The following ASAP1 variants were observed in gnomAD, a reference collection of about 807,000 sequenced individuals.
The protein encoded by ASAP1 is ArfGAP with SH3 domain, ankyrin repeat and PH domain 1.
ASAP1 carries 43 observed loss-of-function variants against 145.2 expected under a neutral mutation model. The ratio of observed to expected loss-of-function variants is 0.30; its 90% CI spans 0.23 to 0.38. The LOEUF (loss-of-function observed/expected upper bound fraction) is 0.38. ASAP1 is among the 10% of genes least tolerant of loss of function. The pLI, the probability that ASAP1 is intolerant of heterozygous loss-of-function variation, is 1.00. For missense variants in ASAP1, 1,018 were observed against 1,355.3 expected (o/e 0.75, Z 3.91); for synonymous variants, 546 against 515.5 (o/e 1.06, Z -0.80).
rs192016566 is a variant in ASAP1, at chr8:130,179,521, T to G, written c.661-172A>C. Among the ~76,000 whole-genome samples, 8 of 152,286 alleles carry G rather than the reference T, an allele frequency of 5.3e-5. No homozygotes were observed. The East Asian group carries it at 1.5e-3, about 29-fold the overall frequency. On this transcript the variant is annotated intron_variant, in intron 8 of 29. Transcript: ENST00000518721. ...CAGTCACAAAGTGTTCAAAACAAAT[T>G]GACTAGAGTGTTAGCATTTTATAAA...
chr8:130,242,907 G>A (rs1194520813), intron 3 of ASAP1, among the ~76,000 whole-genome samples: 2 of 152,160 alleles, frequency 1.3e-5, no homozygotes, highest in African/African-American at 4.8e-5. Context: ...CAGGCCAACT[G>A]TGGGACTTGC....
At chr8:130,201,139 A>T (rs1027584431) in intron 5 of ASAP1, among the ~76,000 whole-genome samples, 1 of 152,238 alleles carries the variant, frequency 6.6e-6, no homozygotes, top group African/African-American at 2.4e-5. Flanking sequence ...TGCAAGATCA[A>T]GTGTGAGAAC....
chr8:130,111,136 G>T (rs2097546061), intron 24 of ASAP1, among the ~76,000 whole-genome samples: 1 of 144,958 alleles, frequency 6.9e-6, no homozygotes, highest in Non-Finnish European at 1.5e-5. Flanking sequence ...ACCTTGAGGG[G>T]TCAAGGTGGG....
At chr8:130,140,864 C>G (rs981687657) in intron 13 of ASAP1, among the ~76,000 whole-genome samples, 3 of 152,172 alleles carry the variant, frequency 2.0e-5, no homozygotes, top group African/African-American at 7.2e-5. Context: ...CAGGGCTGAG[C>G]CCACGAATAC....
intron 18 of ASAP1, among the ~76,000 whole-genome samples, chr8:130,122,420 C>G (rs1407691504): frequency 6.6e-6 from 1 of 152,120 alleles, no homozygotes; most frequent in East Asian, 1.9e-4. Flanking sequence ...GGTCACTGGC[C>G]AAACAAGGAA....
chr8:130,093,320 A>G (rs2097509615), intron 24 of ASAP1, among the ~76,000 whole-genome samples: 1 of 152,070 alleles, frequency 6.6e-6, no homozygotes, highest in Non-Finnish European at 1.5e-5. Context: ...TGCTTTATTT[A>G]AGGTATATGG....
At chr8:130,252,702 A>G (rs1331456955) in intron 3 of ASAP1, among the ~76,000 whole-genome samples, 1 of 152,154 alleles carries the variant, frequency 6.6e-6, no homozygotes, top group East Asian at 1.9e-4. Flanking sequence ...GAGTTAGCAC[A>G]CCCACCCACA....
intron 15 of ASAP1, among the ~76,000 whole-genome samples, chr8:130,129,574 G>T (rs1586387800): frequency 6.6e-6 from 1 of 152,040 alleles, no homozygotes; most frequent in East Asian, 1.9e-4. Context: ...ATTCTCAACA[G>T]ACAATACAGA....
intron 3 of ASAP1, among the ~76,000 whole-genome samples, chr8:130,352,362 G>A (rs541143648): frequency 5.3e-5 from 8 of 152,144 alleles, no homozygotes; most frequent in African/African-American, 1.4e-4. Flanking sequence ...CTTGAGCAAG[G>A]GGAGCTGACG....
At chr8:130,418,089 G>A (rs756145740) in intron 1 of ASAP1, among the ~76,000 whole-genome samples, 1 of 152,228 alleles carries the variant, frequency 6.6e-6, no homozygotes, top group Non-Finnish European at 1.5e-5. Flanking sequence ...GAAGAGAGAG[G>A]AGAGGAAAGG....
At chr8:130,317,640 A>C (rs1823745986) in intron 3 of ASAP1, among the ~76,000 whole-genome samples, 1 of 152,212 alleles carries the variant, frequency 6.6e-6, no homozygotes, top group South Asian at 2.1e-4. Context: ...CACCTTCCAC[A>C]CAGTTTAGTG....
At chr8:130,313,582 G>C (rs114927099) in intron 3 of ASAP1, among the ~76,000 whole-genome samples, 3,979 of 152,282 alleles carry the variant, frequency 0.026, 63 homozygotes, top group Middle Eastern at 0.044. Context: ...GCTGCAGTTT[G>C]AAAATGAGAA....
At chr8:130,406,171 G>A (rs574848587) in intron 1 of ASAP1, among the ~76,000 whole-genome samples, 3 of 152,318 alleles carry the variant, frequency 2.0e-5, no homozygotes, top group African/African-American at 7.2e-5. Context: ...GAACTACCCT[G>A]TGCCAGGGAC....
At chr8:130,095,385 C>A (rs1240045425) in intron 24 of ASAP1, among the ~76,000 whole-genome samples, 2 of 150,746 alleles carry the variant, frequency 1.3e-5, no homozygotes, top group South Asian at 2.1e-4. Flanking sequence ...ACCGTGACCT[C>A]CCCCTCCTGG....
chr8:130,133,925 A>G (rs1353305565), intron 15 of ASAP1, among the ~76,000 whole-genome samples: 2 of 152,168 alleles, frequency 1.3e-5, no homozygotes, highest in African/African-American at 2.4e-5. Flanking sequence ...AGGGCAAGGG[A>G]TGTGATTAAA....
At chr8:130,195,295 C>A (rs6470806) in intron 5 of ASAP1, 1 of 151,204 alleles carries the variant, frequency 6.6e-6, no homozygotes, top group African/African-American at 2.4e-5. Flanking sequence ...AAGCAATTGG[C>A]GGGGGCCAAG....
intron 3 of ASAP1, among the ~76,000 whole-genome samples, chr8:130,328,611 C>CT (rs35169399): frequency 0.22 from 29,884 of 137,466 alleles, 3,381 homozygotes; most frequent in Non-Finnish European, 0.27. Context: ...CTCAGTAGTT[C>CT]TTTTTTTTTT....
intron 24 of ASAP1, among the ~76,000 whole-genome samples, chr8:130,109,192 C>T (rs999731714): frequency 1.3e-5 from 2 of 151,412 alleles, no homozygotes; most frequent in Non-Finnish European, 2.9e-5. Flanking sequence ...TTTAGTCTCT[C>T]GGGACCCCAC....
intron 1 of ASAP1, among the ~76,000 whole-genome samples, chr8:130,434,994 C>T (rs1385094944): frequency 1.3e-5 from 2 of 152,184 alleles, no homozygotes; most frequent in African/African-American, 4.8e-5. Flanking sequence ...GTTCCCAAGG[C>T]AAGATGGCTG....
Sources: allele counts gnomAD v4.1 joint callset (sites outside exome capture counted in the v4.1 genomes callset), GRCh38; gene constraint gnomAD v4.1.1; transcripts MANE v1.5; gene names NCBI Gene and HGNC (gene_info 2026-07-23, HGNC 2026-07-21).